The following NKAIN2 variants were observed in gnomAD, a reference collection of about 807,000 sequenced individuals.
NKAIN2 encodes the protein sodium/potassium-transporting ATPase subunit beta-1-interacting protein 2.
NKAIN2 carries 14 observed loss-of-function variants against 32.6 expected under a neutral mutation model. The observed-to-expected ratio is 0.43, with a 90% CI of 0.28 to 0.67. The LOEUF is 0.67. Ranked by LOEUF, NKAIN2 falls within the 30% of genes least tolerant of loss-of-function variation. The pLI is 0.17. For synonymous variants in NKAIN2, 80 were observed against 87.2 expected (o/e 0.92, Z 0.46); for missense variants, 198 against 258.3 (o/e 0.77, Z 1.60).
At chr6:124,681,407 T>TAAAC (rs753321989) in intron 4 of NKAIN2, among the ~76,000 whole-genome samples, 1 of 152,016 alleles carries the variant, frequency 6.6e-6, no homozygotes. Context: ...TTATTAAAAA[T>TAAAC]AAACAAACAA....
At chr6:124,090,735 G>T (rs1005394672) in intron 1 of NKAIN2, among the ~76,000 whole-genome samples, 1 of 152,014 alleles carries the variant, frequency 6.6e-6, no homozygotes, top group Non-Finnish European at 1.5e-5. Flanking sequence ...TTTTAATGAA[G>T]ATTAAGTCAT....
intron 4 of NKAIN2, among the ~76,000 whole-genome samples, chr6:124,691,923 TCTAA>T (rs1227892813): frequency 3.3e-5 from 5 of 152,238 alleles, no homozygotes; most frequent in African/African-American, 1.2e-4. Context: ...ATCACTTCTT[TCTAA>T]CTTCTTTCCT....
chr6:124,299,455 A>G (rs1796206657), intron 2 of NKAIN2, among the ~76,000 whole-genome samples: 1 of 152,160 alleles, frequency 6.6e-6, no homozygotes, highest in African/African-American at 2.4e-5. Flanking sequence ...TCATTGCTCT[A>G]AATAGAAAAA....
chr6:123,938,616 T>G (rs1200815624), intron 1 of NKAIN2, among the ~76,000 whole-genome samples: 5 of 143,036 alleles, frequency 3.5e-5, no homozygotes, highest in African/African-American at 1.3e-4. Flanking sequence ...TTTTTATATA[T>G]TATATATATT....
At chr6:124,365,412 G>A (rs988747429) in intron 3 of NKAIN2, among the ~76,000 whole-genome samples, 33 of 151,926 alleles carry the variant, frequency 2.2e-4, no homozygotes, top group African/African-American at 7.0e-4. Context: ...ATGAGGTAAT[G>A]TTTAAGGCAG....
intron 2 of NKAIN2, among the ~76,000 whole-genome samples, chr6:124,311,722 G>A (rs1273898963): frequency 2.6e-5 from 4 of 152,120 alleles, no homozygotes; most frequent in East Asian, 1.9e-4. Context: ...AATTGGTATC[G>A]TTAGTGATTA....
intron 1 of NKAIN2, among the ~76,000 whole-genome samples, chr6:123,901,842 T>A (rs1021750276): frequency 6.6e-6 from 1 of 152,096 alleles, no homozygotes; most frequent in Non-Finnish European, 1.5e-5. Flanking sequence ...ATTGAGAAAG[T>A]ATAGCTTAAA....
At chr6:123,915,478 C>T (rs1775441404) in intron 1 of NKAIN2, among the ~76,000 whole-genome samples, 1 of 152,096 alleles carries the variant, frequency 6.6e-6, no homozygotes, top group Admixed American at 6.6e-5. Context: ...TTTGATATTG[C>T]CTATGACCTA....
intron 3 of NKAIN2, among the ~76,000 whole-genome samples, chr6:124,417,178 A>C (rs1006991759): frequency 6.6e-6 from 1 of 152,246 alleles, no homozygotes; most frequent in African/African-American, 2.4e-5. Flanking sequence ...AGATTTTAAA[A>C]TATCCATGAC....
At chr6:124,601,256 C>G (rs569048422) in intron 3 of NKAIN2, among the ~76,000 whole-genome samples, 1 of 152,104 alleles carries the variant, frequency 6.6e-6, no homozygotes, top group Non-Finnish European at 1.5e-5. Flanking sequence ...GGAGTTGTAC[C>G]ATTACCATGC....
At chr6:124,186,366 A>G (rs577057513) in intron 1 of NKAIN2, among the ~76,000 whole-genome samples, 1 of 152,180 alleles carries the variant, frequency 6.6e-6, no homozygotes, top group South Asian at 2.1e-4. Flanking sequence ...CCACTTGAGC[A>G]CAGGAGTTCC....
chr6:123,939,520 T>G (rs1226326108), intron 1 of NKAIN2, among the ~76,000 whole-genome samples: 1 of 151,996 alleles, frequency 6.6e-6, no homozygotes, highest in Non-Finnish European at 1.5e-5. Flanking sequence ...GATACATATG[T>G]ATGACCACCA....
At chr6:124,684,855 C>T (rs1476990816) in intron 4 of NKAIN2, among the ~76,000 whole-genome samples, 1 of 152,202 alleles carries the variant, frequency 6.6e-6, no homozygotes, top group Non-Finnish European at 1.5e-5. Context: ...CATCCAGCCC[C>T]AGGCATTCCA....
intron 1 of NKAIN2, among the ~76,000 whole-genome samples, chr6:124,004,277 T>A (rs935791182): frequency 1.3e-5 from 2 of 152,132 alleles, no homozygotes; most frequent in Non-Finnish European, 2.9e-5. Context: ...CAGAATCAGA[T>A]CCTTTCATTC....
rs561832577 is a variant in NKAIN2, at chr6:123,886,906, T to G, written c.54+82652T>G. Among the ~76,000 whole-genome samples the G allele has an allele frequency of 3.3e-5, 5 of 152,224 alleles. No homozygotes were observed. In the South Asian group the frequency reaches 1.0e-3, roughly 32 times the overall value. ...AGTGAAACTTAATAACAGGGCACAG[T>G]GGGAGATCATTAAAATGAATCCTCT... On this transcript the variant is annotated intron_variant, in intron 1 of 6. Transcript: ENST00000368417.
intron 1 of NKAIN2, among the ~76,000 whole-genome samples, chr6:124,129,641 A>C (rs7767876): frequency 1.3e-5 from 2 of 151,656 alleles, no homozygotes; most frequent in Admixed American, 6.6e-5. Flanking sequence ...TTTTGAGACG[A>C]AGTTTCCCTT....
intron 1 of NKAIN2, among the ~76,000 whole-genome samples, chr6:124,280,092 A>G (rs1435199567): frequency 6.6e-6 from 1 of 152,180 alleles, no homozygotes; most frequent in Non-Finnish European, 1.5e-5. Context: ...TGAAAATAAC[A>G]CATAAACAGC....
At chr6:124,660,146 G>T (rs913000532) in intron 4 of NKAIN2, among the ~76,000 whole-genome samples, 1 of 152,080 alleles carries the variant, frequency 6.6e-6, no homozygotes, top group African/African-American at 2.4e-5. Context: ...CTTTATATAT[G>T]TATTAAAAGG....
chr6:124,552,727 G>C (rs1368517899), intron 3 of NKAIN2, among the ~76,000 whole-genome samples: 3 of 152,134 alleles, frequency 2.0e-5, no homozygotes, highest in African/African-American at 7.2e-5. Context: ...CAATGTCTAA[G>C]GGTTAAAATA....
Sources: gnomAD v4.1 joint callset for allele counts (sites outside exome capture counted in the v4.1 genomes callset) on GRCh38, gnomAD v4.1.1 for gene constraint, MANE v1.5 for transcripts, NCBI Gene and HGNC (gene_info 2026-07-23, HGNC 2026-07-21) for gene names.